CCDC7: variants seen among roughly 807,000 people sequenced by gnomAD.
CCDC7 encodes the protein coiled-coil domain containing 7, also known as coiled-coil domain-containing protein 7.
Under a neutral mutation model 196.9 loss-of-function variants are expected in CCDC7, and 183 were observed. The observed-to-expected ratio is 0.93, with a 90% CI of 0.82 to 1.05. The LOEUF (loss-of-function observed/expected upper bound fraction) is 1.05, where lower values mean the gene tolerates loss of function less well. Among genes scored for constraint, CCDC7 ranks in the 50% least tolerant of loss-of-function variants. The pLI, the probability that CCDC7 is intolerant of heterozygous loss-of-function variation, is 0.00. For missense variants in CCDC7, 1,540 were observed against 1,482.2 expected, an observed-to-expected ratio of 1.04 and a Z score of -0.64; for synonymous variants, 525 against 484.6, an observed-to-expected ratio of 1.08 and a Z score of -1.10.
chr10:32,447,191 C>A (rs1264137551), upstream of CCDC7, among the ~76,000 whole-genome samples: 1 of 152,118 alleles, frequency 6.6e-6, no homozygotes, highest in Non-Finnish European at 1.5e-5. Flanking sequence ...TTACCTCGAT[C>A]ATTCTACTGA....
At chr10:32,449,783 G>A (rs1444507897), upstream of CCDC7, among the ~76,000 whole-genome samples, 1 of 152,172 alleles carries the variant, frequency 6.6e-6, no homozygotes, top group African/African-American at 2.4e-5. Context: ...TTTAGGAGGT[G>A]ATTAGGTTAT....
chr10:32,624,885 A>T (rs778752121), intron 18 of CCDC7, among the ~76,000 whole-genome samples: 5 of 145,802 alleles, frequency 3.4e-5, no homozygotes, highest in African/African-American at 5.1e-5. Flanking sequence ...TGAGTTCATT[A>T]TATTTTGTTT....
intron 41 of CCDC7, among the ~76,000 whole-genome samples, chr10:32,866,102 A>G (rs1190083211): frequency 6.6e-6 from 1 of 151,866 alleles, no homozygotes; most frequent in East Asian, 1.9e-4. Context: ...AAAATGAATC[A>G]GGGATTCTTT....
intron 30 of CCDC7, among the ~76,000 whole-genome samples, chr10:32,813,528 G>A (rs1316394530): frequency 6.6e-6 from 1 of 152,156 alleles, no homozygotes; most frequent in Non-Finnish European, 1.5e-5. Flanking sequence ...AAAGGGGAAA[G>A]AAATATTCCT....
In CCDC7 at chr10:32,472,576, AT is replaced by A. The variant is rs1362409201; in HGVS notation, c.739+38del. The A allele has an allele frequency of 2.0e-5, 29 of 1,461,080 alleles. No individual in the cohort carries two copies. In the African/African-American group the frequency reaches 3.6e-4, roughly 18 times the overall value. 90.5% of individuals were successfully genotyped at this position (1,461,080 alleles called of 1,614,324 possible). ...ATTTTATATATGTTTATCCTTAAAA[AT>A]TTTATTAAAAATTTTGTTATTATTT... On this transcript the variant is annotated intron_variant, in intron 7 of 41. Coordinates refer to ENST00000639629, the Ensembl canonical transcript of CCDC7.
chr10:32,467,403 C>T (rs940081799), intron 5 of CCDC7, among the ~76,000 whole-genome samples: 4 of 151,740 alleles, frequency 2.6e-5, no homozygotes, highest in Admixed American at 6.6e-5. Context: ...TGAGCCACTG[C>T]GCCCGGCCTT....
At chr10:32,521,259 C>G (rs531697944) in intron 11 of CCDC7, among the ~76,000 whole-genome samples, 1 of 152,182 alleles carries the variant, frequency 6.6e-6, no homozygotes, top group Admixed American at 6.5e-5. Flanking sequence ...TGAAGAATAT[C>G]ATTGATATTT....
intron 3 of CCDC7, among the ~76,000 whole-genome samples, chr10:32,458,265 G>A (rs2034794806): frequency 6.6e-6 from 1 of 151,968 alleles, no homozygotes; most frequent in East Asian, 1.9e-4. Context: ...AGTTTTCCCA[G>A]CACCATTTAT....
intron 13 of CCDC7, among the ~76,000 whole-genome samples, chr10:32,561,441 A>G (rs2055604968): frequency 1.3e-5 from 2 of 152,258 alleles, no homozygotes; most frequent in Non-Finnish European, 2.9e-5. Flanking sequence ...AGAAATTATA[A>G]CAAACTGTCT....
upstream of CCDC7, among the ~76,000 whole-genome samples, chr10:32,451,352 T>C (rs1191515525): frequency 6.6e-6 from 1 of 151,794 alleles, no homozygotes; most frequent in Non-Finnish European, 1.5e-5. Context: ...TTTACTGTTA[T>C]TATGCTTAAG....
chr10:32,720,266 A>G (rs1450203415), intron 25 of CCDC7, among the ~76,000 whole-genome samples: 8 of 152,170 alleles, frequency 5.3e-5, no homozygotes, highest in African/African-American at 1.2e-4. Flanking sequence ...GCTGGAAACC[A>G]TCATTCTCAG....
chr10:32,595,668 T>C (rs1208096671), intron 18 of CCDC7, among the ~76,000 whole-genome samples: 1 of 152,246 alleles, frequency 6.6e-6, no homozygotes, highest in Admixed American at 6.5e-5. Flanking sequence ...CTGCTTTCTC[T>C]TGTCGGCATT....
intron 14 of CCDC7, among the ~76,000 whole-genome samples, chr10:32,566,406 C>T (rs1026447869): frequency 6.6e-6 from 1 of 152,078 alleles, no homozygotes; most frequent in Non-Finnish European, 1.5e-5. Context: ...TGTACAATGT[C>T]ATATGTTTTA....
chr10:32,753,758 C>A (rs750359509), intron 28 of CCDC7, among the ~76,000 whole-genome samples: 8 of 152,086 alleles, frequency 5.3e-5, no homozygotes, highest in Middle Eastern at 3.2e-3. Context: ...TTAGAACATG[C>A]AATTGTGTTA....
intron 3 of CCDC7, among the ~76,000 whole-genome samples, chr10:32,459,259 T>C (rs1412269924): frequency 6.6e-6 from 1 of 152,162 alleles, no homozygotes; most frequent in East Asian, 1.9e-4. Context: ...GGCCCTCCAC[T>C]TAGTTGCTTT....
chr10:32,813,401 A>G (rs780554141), intron 30 of CCDC7, among the ~76,000 whole-genome samples: 3 of 152,184 alleles, frequency 2.0e-5, no homozygotes, highest in Non-Finnish European at 4.4e-5. Flanking sequence ...AAATCTGACC[A>G]TTACCTCCTT....
At chr10:32,526,600 C>A (rs2048714558) in intron 11 of CCDC7, among the ~76,000 whole-genome samples, 1 of 152,088 alleles carries the variant, frequency 6.6e-6, no homozygotes, top group Non-Finnish European at 1.5e-5. Flanking sequence ...TTATTCAGGG[C>A]CCAGGGCTCT....
intron 28 of CCDC7, among the ~76,000 whole-genome samples, chr10:32,756,863 G>T (rs894683290): frequency 1.3e-5 from 2 of 152,166 alleles, no homozygotes; most frequent in African/African-American, 4.8e-5. Context: ...CCCATCTCAC[G>T]TGCAGAGACA....
At chr10:32,680,942 G>A (rs2075772296) in intron 21 of CCDC7, among the ~76,000 whole-genome samples, 1 of 152,160 alleles carries the variant, frequency 6.6e-6, no homozygotes, top group African/African-American at 2.4e-5. Context: ...AAGAAGCTGA[G>A]TGATAACACT....
Sources: allele counts gnomAD v4.1 joint callset (sites outside exome capture counted in the v4.1 genomes callset), GRCh38; gene constraint gnomAD v4.1.1; transcripts MANE v1.5; gene names NCBI Gene and HGNC (gene_info 2026-07-23, HGNC 2026-07-21).